The following SMAGP variants were observed in gnomAD, a reference collection of about 807,000 sequenced individuals.
SMAGP encodes the protein small cell transmembrane and glycosylated protein.
Under a neutral mutation model 10.1 loss-of-function variants are expected in SMAGP, and 7 were observed. The observed-to-expected ratio is 0.70, with a 90% CI of 0.40 to 1.31. The LOEUF (loss-of-function observed/expected upper bound fraction) is 1.31. Among genes scored for constraint, SMAGP ranks in the 50% most tolerant of loss-of-function variants. SMAGP has a pLI of 0.01. For missense variants in SMAGP, 113 were observed against 116.5 expected (o/e 0.97, Z 0.14); for synonymous variants, 49 against 47.2 (o/e 1.04, Z -0.16).
intron 2 of SMAGP, among the ~76,000 whole-genome samples, chr12:51,261,027 G>A (rs577408085): frequency 6.6e-6 from 1 of 150,738 alleles, no homozygotes; most frequent in Non-Finnish European, 1.5e-5. Flanking sequence ...CTGATCTCGT[G>A]ATACACCTAC....
At position 51,246,012 on chromosome 12, in the gene SMAGP, C is replaced by T; in HGVS notation, c.223G>A (p.Glu75Lys). ...TCCATCTGGACGATGGCACTGGGCT[C>T]ACCTTCTGTAGGTTCATAGGTGACG... is the stretch of plus-strand genomic sequence containing the variant. ...SYVTYEPTEGEPSAIVQMESD... is the reference protein window; with the variant it reads ...SYVTYEPTEGKPSAIVQMESD... The change falls in exon 4 of 4, where the codon GAG becomes AAG. Residue 75 changes from glutamate to lysine, a missense_variant. Glu to Lys is a moderately conservative substitution (Grantham distance 56). Transcript: ENST00000603798. 1 of 1,613,952 alleles carries T rather than the reference C, an allele frequency of 6.2e-7. No individual in the cohort carries two copies. Among genetic ancestry groups the T allele is most frequent in the Non-Finnish European group, 8.5e-7 (1 of 1,179,886 alleles).
chr12:51,257,669 C>T (rs866144066), intron 2 of SMAGP, among the ~76,000 whole-genome samples: 1 of 152,020 alleles, frequency 6.6e-6, no homozygotes, highest in African/African-American at 2.4e-5. Flanking sequence ...CTTAGTCTCC[C>T]GAGTACCTGG....
chr12:51,262,191 AAG>A, intron 2 of SMAGP, among the ~76,000 whole-genome samples: 1 of 152,052 alleles, frequency 6.6e-6, no homozygotes, highest in East Asian at 1.9e-4. Flanking sequence ...TTTCAAATAA[AAG>A]AACATGCTTG....
At chr12:51,263,126 T>TA (rs1944943633) in intron 2 of SMAGP, among the ~76,000 whole-genome samples, 1 of 152,204 alleles carries the variant, frequency 6.6e-6, no homozygotes, top group Admixed American at 6.6e-5. Flanking sequence ...CTCATGCCTG[T>TA]AATCCCGGCA....
intron 2 of SMAGP, among the ~76,000 whole-genome samples, chr12:51,252,613 A>T (rs1054633733): frequency 2.0e-5 from 3 of 148,096 alleles, no homozygotes; most frequent in Non-Finnish European, 4.5e-5. Context: ...CTGGTCTCAG[A>T]CTCCTGACCT....
chr12:51,246,491 G>A (rs1033772302), intron 3 of SMAGP: 13 of 436,236 alleles, frequency 3.0e-5, no homozygotes, highest in African/African-American at 1.2e-4. Flanking sequence ...ATATATCCTC[G>A]TCCCTACCCA....
chr12:51,249,546 G>A (rs969895820), intron 2 of SMAGP, among the ~76,000 whole-genome samples: 3 of 152,108 alleles, frequency 2.0e-5, no homozygotes, highest in African/African-American at 7.2e-5. Flanking sequence ...ATATTTTGGG[G>A]TCACAGAAGT....
chr12:51,262,721 T>C (rs761481517), intron 2 of SMAGP, among the ~76,000 whole-genome samples: 6 of 152,188 alleles, frequency 3.9e-5, no homozygotes, highest in Non-Finnish European at 7.3e-5. Flanking sequence ...TCAAGATCTA[T>C]TCTGTTCACT....
chr12:51,269,386 A>C, intron 1 of SMAGP, 70 bp from the exon 2 acceptor site: 1 of 1,289,232 alleles, frequency 7.8e-7, no homozygotes. Context: ...TGGAAGTCCC[A>C]GGAAAGCCTC....
intron 2 of SMAGP, among the ~76,000 whole-genome samples, chr12:51,259,071 C>G (rs1282834249): frequency 6.6e-6 from 1 of 150,846 alleles, no homozygotes; most frequent in Non-Finnish European, 1.5e-5. Context: ...GAAGTTGAGG[C>G]TGCGGTGAGC....
chr12:51,260,246 T>A (rs190905583), intron 2 of SMAGP, among the ~76,000 whole-genome samples: 1 of 142,224 alleles, frequency 7.0e-6, no homozygotes. Context: ...GGATCTCTGC[T>A]CACGACAGAT....
chr12:51,268,411 G>T (rs1944996059), intron 2 of SMAGP, among the ~76,000 whole-genome samples: 1 of 152,072 alleles, frequency 6.6e-6, no homozygotes, highest in South Asian at 2.1e-4. Flanking sequence ...TCTTTAGCAG[G>T]TTTTTAAAAA....
At chr12:51,260,018 TTA>T (rs1163157246) in intron 2 of SMAGP, among the ~76,000 whole-genome samples, 3 of 152,118 alleles carry the variant, frequency 2.0e-5, no homozygotes, top group African/African-American at 7.2e-5. Context: ...TTATGTTGTT[TTA>T]TATGCTTTCC....
intron 2 of SMAGP, among the ~76,000 whole-genome samples, chr12:51,265,745 A>T (rs550902513): frequency 8.7e-4 from 133 of 152,270 alleles, no homozygotes; most frequent in South Asian, 5.8e-3. Flanking sequence ...CGGTTTGGGA[A>T]GGTAAAGTTC....
intron 2 of SMAGP, among the ~76,000 whole-genome samples, chr12:51,266,555 C>T (rs1019098940): frequency 1.3e-5 from 2 of 150,672 alleles, no homozygotes; most frequent in African/African-American, 4.9e-5. Context: ...TTTCACATAA[C>T]TCTTATTACA....
intron 2 of SMAGP, among the ~76,000 whole-genome samples, chr12:51,248,988 G>A (rs572667660): frequency 5.6e-4 from 85 of 150,964 alleles, no homozygotes; most frequent in Non-Finnish European, 2.5e-4. Context: ...GCTGAGGAAT[G>A]AGAATCGCTT....
At chr12:51,268,119 G>C (rs1592238758) in intron 2 of SMAGP, among the ~76,000 whole-genome samples, 1 of 152,118 alleles carries the variant, frequency 6.6e-6, no homozygotes, top group Non-Finnish European at 1.5e-5. Context: ...AGTAGTGCCC[G>C]GCCTCCGCAC....
At chr12:51,256,303 A>T (rs999973009) in intron 2 of SMAGP, among the ~76,000 whole-genome samples, 1 of 152,084 alleles carries the variant, frequency 6.6e-6, no homozygotes, top group Non-Finnish European at 1.5e-5. Context: ...TAGAATTTGG[A>T]GGCCAGGTGC....
At position 51,244,871 on chromosome 12, in the gene SMAGP, C is replaced by T. The variant is rs1944745342; in HGVS notation, c.*1070G>A. The T allele has an allele frequency of 7.6e-6, 1 of 131,782 alleles. No individual in the cohort carries two copies. 8.2% of individuals were successfully genotyped at this position (131,782 alleles called of 1,614,324 possible). A position where few individuals can be genotyped will look rare whatever the true frequency, so the allele number is the denominator to read the frequency against. On this transcript the variant is annotated 3_prime_UTR_variant, in exon 4 of 4. Transcript: ENST00000603798. ...ACGGAGTCTCACTCTGTTGCCCAGG[C>T]TGGAGTATAGTGGTGCAATCTCAGC...
Sources: allele counts gnomAD v4.1 joint callset (sites outside exome capture counted in the v4.1 genomes callset), GRCh38; gene constraint gnomAD v4.1.1; transcripts MANE v1.5; gene names NCBI Gene and HGNC (gene_info 2026-07-23, HGNC 2026-07-21).